KCNH8: variants seen among roughly 807,000 people sequenced by gnomAD.
KCNH8 encodes potassium voltage-gated channel subfamily H member 8.
KCNH8 carries 70 observed loss-of-function variants against 103.6 expected under a neutral mutation model. The observed-to-expected ratio is 0.68, with a 90% CI of 0.56 to 0.82. KCNH8 has a LOEUF of 0.82. Ranked by LOEUF, KCNH8 falls within the 40% of genes least tolerant of loss-of-function variation. KCNH8 has a pLI of 0.00. For synonymous variants in KCNH8, 498 were observed against 489.4 expected, an observed-to-expected ratio of 1.02 and a Z score of -0.23; for missense variants, 1,217 against 1,329.9, an observed-to-expected ratio of 0.92 and a Z score of 1.32.
intron 2 of KCNH8, among the ~76,000 whole-genome samples, chr3:19,263,782 G>A (rs2064468255): frequency 1.3e-5 from 2 of 152,072 alleles, no homozygotes; most frequent in Non-Finnish European, 2.9e-5. Context: ...GAGTGTCAAA[G>A]AATGTGCAGT....
intron 13 of KCNH8, among the ~76,000 whole-genome samples, chr3:19,514,264 T>G (rs2068836268): frequency 1.3e-5 from 2 of 152,032 alleles, no homozygotes; most frequent in Admixed American, 6.6e-5. Flanking sequence ...AACAACATTC[T>G]TATTCATTAA....
chr3:19,192,243 C>A (rs2063560164), intron 1 of KCNH8, among the ~76,000 whole-genome samples: 1 of 151,686 alleles, frequency 6.6e-6, no homozygotes, highest in East Asian at 1.9e-4. Context: ...ATATTTCTGG[C>A]ACTTTTGCCC....
chr3:19,258,521 C>G (rs2064375550), intron 2 of KCNH8, among the ~76,000 whole-genome samples: 1 of 151,834 alleles, frequency 6.6e-6, no homozygotes, highest in African/African-American at 2.4e-5. Flanking sequence ...TTTCTAATGC[C>G]CAGTCAGACT....
intron 5 of KCNH8, among the ~76,000 whole-genome samples, chr3:19,369,491 C>G (rs1469806134): frequency 2.6e-5 from 4 of 151,992 alleles, no homozygotes; most frequent in South Asian, 2.1e-4. Flanking sequence ...ACACACTCAT[C>G]ATGGGAGATT....
chr3:19,180,419 G>A (rs898560778), intron 1 of KCNH8, among the ~76,000 whole-genome samples: 1 of 152,110 alleles, frequency 6.6e-6, no homozygotes, highest in African/African-American at 2.4e-5. Flanking sequence ...ATTTATCATG[G>A]AATAAACAGA....
chr3:19,271,806 G>C (rs2064592247), intron 2 of KCNH8, among the ~76,000 whole-genome samples: 1 of 152,118 alleles, frequency 6.6e-6, no homozygotes, highest in East Asian at 1.9e-4. Flanking sequence ...ATGAATCCAG[G>C]GACTTGACCA....
At chr3:19,287,941 A>T (rs2064856636) in intron 3 of KCNH8, among the ~76,000 whole-genome samples, 1 of 151,960 alleles carries the variant, frequency 6.6e-6, no homozygotes, top group South Asian at 2.1e-4. Flanking sequence ...ACTTTGGGAC[A>T]AGTCAAGCTG....
Position 19,148,639 on chromosome 3 carries a change from C to T in KCNH8, c.-81C>T. The T allele has an allele frequency of 7.2e-7, 1 of 1,379,724 alleles. No individual in the cohort carries two copies. Among genetic ancestry groups the T allele is most frequent in the Non-Finnish European group, 1.0e-6 (1 of 965,416 alleles). The allele number at this position is 1,379,724 out of a possible 1,614,324, so 85.5% of individuals were successfully genotyped here. On this transcript the variant is annotated 5_prime_UTR_variant, in exon 1 of 16. Transcript: ENST00000328405. The stretch of plus-strand genomic sequence containing the variant: ...CCCTTCCCTGCCGTCATCAGGTTCC[C>T]CTTCTCCCTTCTTGGCACTTTCCTT...
At chr3:19,278,752 G>T (rs747903810) in intron 2 of KCNH8, among the ~76,000 whole-genome samples, 5 of 152,140 alleles carry the variant, frequency 3.3e-5, no homozygotes, top group Non-Finnish European at 7.4e-5. Flanking sequence ...AAATGTTAGT[G>T]ATCACATCAC....
chr3:19,322,302 G>C (rs1308688987), intron 3 of KCNH8, among the ~76,000 whole-genome samples: 1 of 151,980 alleles, frequency 6.6e-6, no homozygotes, highest in Non-Finnish European at 1.5e-5. Context: ...TATGCTTTAA[G>C]AATAATCTAT....
chr3:19,442,055 G>T (rs1052536650), intron 8 of KCNH8, among the ~76,000 whole-genome samples: 1 of 152,190 alleles, frequency 6.6e-6, no homozygotes, highest in South Asian at 2.1e-4. Flanking sequence ...CAGTGCCATG[G>T]CACAGTTGTT....
intron 1 of KCNH8, among the ~76,000 whole-genome samples, chr3:19,187,009 A>C (rs1321087418): frequency 1.3e-5 from 2 of 152,090 alleles, no homozygotes; most frequent in Non-Finnish European, 2.9e-5. Flanking sequence ...ACAAATGGGC[A>C]TAATTATGTC....
Position 19,447,916 on chromosome 3 carries a change from T to C in KCNH8, c.1376-2190T>C, listed in dbSNP as rs149715586. ...AACATTTAGGAATAATACATACTTA[T>C]ACATTCTTGCGTGTATCAAGCATTT... On this transcript the variant is annotated intron_variant, in intron 8 of 15. Coordinates refer to ENST00000328405, the MANE Select transcript of KCNH8 (RefSeq NM_144633.3). 3.6e-3 allele frequency among the ~76,000 whole-genome samples: 541 copies of C among 152,144 alleles called. 5 individuals are homozygous for C. The highest frequency in any genetic ancestry group is 0.012 in the African/African-American group (515 of 41,556).
chr3:19,402,307 T>C (rs1474159498), intron 7 of KCNH8, among the ~76,000 whole-genome samples: 1 of 151,918 alleles, frequency 6.6e-6, no homozygotes, highest in African/African-American at 2.4e-5. Context: ...CTAAAACCAA[T>C]ATCATAATAG....
intron 13 of KCNH8, 78 bp from the exon 14 acceptor site, chr3:19,515,244 A>C (rs578194983): frequency 1.3e-6 from 1 of 756,432 alleles, no homozygotes; most frequent in Non-Finnish European, 2.1e-6. Flanking sequence ...ATTTAACATA[A>C]TATCTTTTAA....
chr3:19,168,292 G>T (rs1038076270), intron 1 of KCNH8, among the ~76,000 whole-genome samples: 3 of 152,042 alleles, frequency 2.0e-5, no homozygotes, highest in Non-Finnish European at 4.4e-5. Flanking sequence ...CTCCCAAAGT[G>T]CTGGGATTAC....
chr3:19,437,416 T>C (rs912972386), intron 7 of KCNH8, among the ~76,000 whole-genome samples: 4 of 152,214 alleles, frequency 2.6e-5, no homozygotes, highest in African/African-American at 9.6e-5. Context: ...GCACAATTAA[T>C]ATACAATTAA....
intron 1 of KCNH8, among the ~76,000 whole-genome samples, chr3:19,243,499 A>G (rs1294700663): frequency 6.6e-6 from 1 of 152,212 alleles, no homozygotes; most frequent in African/African-American, 2.4e-5. Flanking sequence ...TTAATCTAAC[A>G]TGAGTACTGC....
chr3:19,205,028 C>A (rs974227366), intron 1 of KCNH8, among the ~76,000 whole-genome samples: 3 of 151,836 alleles, frequency 2.0e-5, no homozygotes, highest in Admixed American at 1.3e-4. Context: ...AAATAGAGAT[C>A]AAAAGAATAC....
Sources: gnomAD v4.1 joint callset for allele counts (sites outside exome capture counted in the v4.1 genomes callset) on GRCh38, gnomAD v4.1.1 for gene constraint, MANE v1.5 for transcripts, NCBI Gene and HGNC (gene_info 2026-07-23, HGNC 2026-07-21) for gene names.